The following SIRT6 variants were observed in gnomAD, a reference collection of about 807,000 sequenced individuals.
The protein encoded by SIRT6 is sirtuin 6.
A neutral mutation model predicts 33.6 loss-of-function variants in SIRT6; 21 were observed. The observed-to-expected ratio is 0.62, with a 90% CI of 0.44 to 0.90. SIRT6 has a LOEUF of 0.90. Ranked by LOEUF, SIRT6 falls within the 40% of genes least tolerant of loss-of-function variation. The pLI, the probability that SIRT6 is intolerant of heterozygous loss-of-function variation, is 0.00. For missense variants in SIRT6, 504 were observed against 510.6 expected, an observed-to-expected ratio of 0.99 and a Z score of 0.12; for synonymous variants, 221 against 223.9, an observed-to-expected ratio of 0.99 and a Z score of 0.12.
rs537805799 is a variant in SIRT6, at chr19:4,175,620, T to C, written c.614+60A>G. The C allele has an allele frequency of 3.6e-6, 5 of 1,406,132 alleles. No individual in the cohort carries two copies. The East Asian group carries it at 1.0e-4, about 28-fold the overall frequency. The allele number at this position is 1,406,132 out of a possible 1,614,324, so 87.1% of individuals were successfully genotyped here. The stretch of plus-strand genomic sequence containing the variant: ...CACTGTCCCATGCTGGAGCTGGCTG[T>C]GTTTCTGCTGTCGTCCCGCCCCGCC... On this transcript the variant is annotated intron_variant, in intron 6 of 7. Coordinates refer to ENST00000337491, the MANE Select transcript of SIRT6 (RefSeq NM_016539.4).
At chr19:4,176,254 G>A (rs760793526) in intron 4 of SIRT6, among the ~76,000 whole-genome samples, 7 of 152,224 alleles carry the variant, frequency 4.6e-5, no homozygotes, top group Non-Finnish European at 1.0e-4. Flanking sequence ...GTCTGGATTC[G>A]GGATTAGAGA....
rs1344541081 is a variant in SIRT6, at chr19:4,175,901, G to A, written c.474C>T (p.Gly158=). The A allele has an allele frequency of 6.4e-7, 1 of 1,569,974 alleles. No individual in the cohort carries two copies. The highest frequency in any genetic ancestry group is 8.6e-7 in the Non-Finnish European group (1 of 1,157,816). The change falls in exon 5 of 8, where the codon GGC becomes GGT. Residue 158 remains glycine, a synonymous_variant. Transcript: ENST00000337491. ...YVRDTVVGTM[G]LKATGRLCTV... is the part of the protein sequence containing the mutation. Reference sequence around the variant, plus strand: ...TGCAGAGCCGGCCCGTGGCCTTCAGGCCCATGGTGCCCACGACTGTGTCTC... The same window carrying A: ...TGCAGAGCCGGCCCGTGGCCTTCAGACCCATGGTGCCCACGACTGTGTCTC...
rs371866213 is a variant in SIRT6, at chr19:4,177,735, C to T, written c.378-597G>A. On this transcript the variant is annotated intron_variant, in intron 3 of 7. Transcript: ENST00000337491. Reference sequence around the variant, plus strand: ...CCTCCTGAGTAGCTGGGACTACAGGCGCCCGCCACCACGCCGGGCTAATTT... The same window carrying T: ...CCTCCTGAGTAGCTGGGACTACAGGTGCCCGCCACCACGCCGGGCTAATTT... Among the ~76,000 whole-genome samples, 17 of 152,022 alleles carry T rather than the reference C, an allele frequency of 1.1e-4. No individual in the cohort carries two copies. The East Asian group carries it at 2.5e-3, about 23-fold the overall frequency.
intron 2 of SIRT6, among the ~76,000 whole-genome samples, chr19:4,180,043 A>G (rs1443650029): frequency 1.4e-5 from 2 of 141,878 alleles, no homozygotes; most frequent in Non-Finnish European, 3.0e-5. Context: ...GGCAATGGGG[A>G]GCCACAGCAG....
chr19:4,174,640 TCA>T lies in SIRT6; in HGVS notation c.1043_1044del (p.Val348GlufsTer79). 6.9e-7 allele frequency: 1 copy of T among 1,448,400 alleles called. No homozygotes were observed. The highest frequency in any genetic ancestry group is 9.1e-7 in the Non-Finnish European group (1 of 1,097,652). The allele number at this position is 1,448,400 out of a possible 1,614,324, so 89.7% of individuals were successfully genotyped here. On this transcript the variant is annotated frameshift_variant, in exon 8 of 8. Coordinates refer to ENST00000337491, the MANE Select transcript of SIRT6 (RefSeq NM_016539.4). LOFTEE classifies it high-confidence loss of function. The surrounding 1 kb of genome is among the most constrained non-coding windows in gnomAD (Gnocchi z 4.2). ...GGTCAGCTGGGGACCGCCTTGGCCT[TCA>T]CCCTTTTGGGGGGTCTGTGGGGGGC... ...SPAPHRPPKR[V>X]KAKAVPS
Position 4,175,948 on chromosome 19 carries a change from G to A in SIRT6, c.438-11C>T, listed in dbSNP as rs769311045. 3 of 1,556,448 alleles carry A rather than the reference G, an allele frequency of 1.9e-6. No individual in the cohort carries two copies. Among genetic ancestry groups the A allele is most frequent in the Admixed American group, 1.9e-5 (1 of 51,358 alleles). On this transcript the variant is annotated splice_polypyrimidine_tract_variant and intron_variant, in intron 4 of 7. Coordinates refer to ENST00000337491, the MANE Select transcript of SIRT6 (RefSeq NM_016539.4). The stretch of plus-strand genomic sequence containing the variant: ...TCTCGGACGTACTGCCTGTGTCAGG[G>A]AGGAAGGGGGAGGATGGGACCAGGT...
Position 4,174,433 on chromosome 19 carries a change from A to C in SIRT6, c.*184T>G. The C allele has an allele frequency of 2.0e-6, 1 of 491,788 alleles. No homozygotes were observed. The highest frequency in any genetic ancestry group is 3.4e-5 in the East Asian group (1 of 29,528). The allele number at this position is 491,788 out of a possible 1,614,324, so 30.5% of individuals were successfully genotyped here. A position where few individuals can be genotyped will look rare whatever the true frequency, so the allele number is the denominator to read the frequency against. On this transcript the variant is annotated 3_prime_UTR_variant, in exon 8 of 8. Coordinates refer to ENST00000337491, the MANE Select transcript of SIRT6 (RefSeq NM_016539.4). This position sits in a 1 kb window ranked among gnomAD's most constrained non-coding sequence, Gnocchi z 4.2. ...CCTCTGGGGTGTGGCTTCTTCCCGGAACCGCACCAGAGGCCCCTGGAGCCC... is the reference window on the plus strand; with the variant it reads ...CCTCTGGGGTGTGGCTTCTTCCCGGCACCGCACCAGAGGCCCCTGGAGCCC...
At position 4,174,871 on chromosome 19, in the gene SIRT6, C is replaced by T; in HGVS notation, c.814G>A (p.Glu272Lys). ...MTRLMKHLGL[E>K]IPAWDGPRVL... is the part of the protein sequence containing the mutation. ...CGGGGGCCGTCCCAGGCGGGGATCT[C>T]CAGCCCCAGGTGCTTCATGAGCCGG... Residue 272 changes from glutamate to lysine, a missense_variant, in exon 8 of 8, where the codon GAG (glutamate) becomes AAG (lysine). Transcript: ENST00000337491. This position sits in a 1 kb window ranked among gnomAD's most constrained non-coding sequence, Gnocchi z 4.2. The T allele has an allele frequency of 6.2e-7, 1 of 1,601,530 alleles. No homozygotes were observed. The highest frequency in any genetic ancestry group is 8.5e-7 in the Non-Finnish European group (1 of 1,179,628).
In SIRT6 at chr19:4,175,753, GCTCTCCC is replaced by G. The variant is rs1568294328; in HGVS notation, c.534_540del (p.Arg178SerfsTer2). The G allele has an allele frequency of 6.3e-7, 1 of 1,581,200 alleles. No individual in the cohort carries two copies. The highest frequency in any genetic ancestry group is 2.3e-5 in the East Asian group (1 of 43,380). ...TCCCAGTCTAGGATGGTGTCCCTCA[GCTCTCCC>G]CTGCAATGAGGAAGCTGAGGAGAGT... On this transcript the variant is annotated frameshift_variant and splice_region_variant, in exon 6 of 8. Transcript: ENST00000337491. LOFTEE classifies it high-confidence loss of function.
At position 4,174,206 on chromosome 19, in the gene SIRT6, T is replaced by A. The variant is rs2145152110; in HGVS notation, c.*411A>T. On this transcript the variant is annotated 3_prime_UTR_variant, in exon 8 of 8. Coordinates refer to ENST00000337491, the MANE Select transcript of SIRT6 (RefSeq NM_016539.4). The surrounding 1 kb of genome is among the most constrained non-coding windows in gnomAD (Gnocchi z 4.2). ...CCCCAAAGGCAGTGCAAGCCTCTAC[T>A]GATCCCCCACTTCAAGGTGGGTCTC... 5.8e-6 allele frequency: 1 copy of A among 173,108 alleles called. No individual in the cohort carries two copies. The highest frequency in any genetic ancestry group is 2.4e-5 in the African/African-American group (1 of 42,338). 10.7% of individuals were successfully genotyped at this position (173,108 alleles called of 1,614,324 possible).
Position 4,175,901 on chromosome 19 carries a change from G to T in SIRT6, c.474C>A (p.Gly158=), listed in dbSNP as rs1344541081. The change falls in exon 5 of 8, where the codon GGC becomes GGA. Residue 158 remains glycine (G), a synonymous_variant. Coordinates refer to ENST00000337491, the MANE Select transcript of SIRT6 (RefSeq NM_016539.4). The part of the protein sequence containing the change: ...YVRDTVVGTM[G]LKATGRLCTV... ...TGCAGAGCCGGCCCGTGGCCTTCAG[G>T]CCCATGGTGCCCACGACTGTGTCTC... 4 of 1,569,856 alleles carry T rather than the reference G, an allele frequency of 2.5e-6. No homozygotes were observed. The highest frequency in any genetic ancestry group is 1.3e-5 in the African/African-American group (1 of 74,194).
chr19:4,176,096 G>A (rs189399064), intron 4 of SIRT6, among the ~76,000 whole-genome samples, 159 bp from the exon 5 acceptor site: 1 of 152,118 alleles, frequency 6.6e-6, no homozygotes, highest in Non-Finnish European at 1.5e-5. Context: ...CATGAATAAC[G>A]GGCTGGGATG....
At chr19:4,180,345 C>A (rs539000875) in intron 2 of SIRT6, among the ~76,000 whole-genome samples, 1 of 151,968 alleles carries the variant, frequency 6.6e-6, no homozygotes, top group African/African-American at 2.4e-5. Context: ...GTGTTCTGGC[C>A]AATGAGGTGA....
intron 4 of SIRT6, among the ~76,000 whole-genome samples, chr19:4,176,586 C>CA (rs944216108): frequency 4.0e-5 from 6 of 151,492 alleles, no homozygotes; most frequent in African/African-American, 9.7e-5. Context: ...GGGACTGTCT[C>CA]AAAAAAAAGG....
At chr19:4,178,246 C>G (rs569593300) in intron 3 of SIRT6, among the ~76,000 whole-genome samples, 1 of 151,828 alleles carries the variant, frequency 6.6e-6, no homozygotes, top group Non-Finnish European at 1.5e-5. Flanking sequence ...AGGCTGGTCT[C>G]GAACTCTTGA....
At chr19:4,175,968 C>T in intron 4 of SIRT6, 31 bp from the exon 5 acceptor site, 1 of 1,539,040 alleles carries the variant, frequency 6.5e-7, no homozygotes, top group Non-Finnish European at 8.8e-7. Flanking sequence ...GAGGATGGGA[C>T]CAGGTGAGCT....
chr19:4,177,050 C>G (rs373649888), intron 4 of SIRT6, 29 bp downstream of exon 4: 2 of 1,606,480 alleles, frequency 1.2e-6, no homozygotes, highest in African/African-American at 2.7e-5. Flanking sequence ...CTGGCAGAGC[C>G]CCCACCCCTG....
At chr19:4,181,037 G>A in intron 1 of SIRT6, 128 bp from the exon 2 acceptor site, 1 of 1,239,698 alleles carries the variant, frequency 8.1e-7, no homozygotes, top group South Asian at 1.6e-5. Context: ...AAGGCAGCTT[G>A]TCCTCATGCC....
chr19:4,179,795 C>T (rs1262614709), intron 2 of SIRT6, among the ~76,000 whole-genome samples: 2 of 152,080 alleles, frequency 1.3e-5, no homozygotes, highest in African/African-American at 4.8e-5. Context: ...CCCTGGGGCA[C>T]GTGGAAGGGC....
Sources: allele counts gnomAD v4.1 joint callset (sites outside exome capture counted in the v4.1 genomes callset), GRCh38; gene constraint gnomAD v4.1.1; non-coding constraint Gnocchi (gnomAD v3.1); transcripts MANE v1.5; gene names NCBI Gene and HGNC (gene_info 2026-07-23, HGNC 2026-07-21).